MMP26: variants seen among roughly 807,000 people sequenced by gnomAD.
The protein encoded by MMP26 is matrix metallopeptidase 26, also known as matrix metalloproteinase-26.
A neutral mutation model predicts 31.0 loss-of-function variants in MMP26; 33 were observed. The observed-to-expected ratio is 1.06, with a 90% CI of 0.81 to 1.42. The LOEUF (loss-of-function observed/expected upper bound fraction) is 1.42, where lower values mean the gene tolerates loss of function less well. Among genes scored for constraint, MMP26 ranks in the 40% most tolerant of loss-of-function variants. MMP26 has a pLI of 0.00. For missense variants in MMP26, 347 were observed against 316.1 expected (o/e 1.10, Z -0.74); for synonymous variants, 122 against 114.9 (o/e 1.06, Z -0.40).
chr11:4,768,565 C>T (rs1461460340), intron 2 of MMP26, among the ~76,000 whole-genome samples: 2 of 152,186 alleles, frequency 1.3e-5, no homozygotes, highest in African/African-American at 2.4e-5. Flanking sequence ...AACTGTGCCT[C>T]ATGTTATTCA....
In MMP26 at chr11:4,721,040, C is replaced by T. The variant is rs533564917; in HGVS notation, c.-217+15995C>T. On this transcript the variant is annotated intron_variant, in intron 1 of 7. Coordinates refer to ENST00000380390, the MANE Select transcript of MMP26 (RefSeq NM_021801.5). ...AAGCAAACATGATAGACATATTTGT[C>T]CCTACAGCAGCTTCCGGTGTCCTAG... is the stretch of plus-strand genomic sequence containing the variant. Among the ~76,000 whole-genome samples, 187 of 152,280 alleles carry T rather than the reference C, an allele frequency of 1.2e-3. 1 individual carries two copies. The highest frequency in any genetic ancestry group is 4.1e-3 in the African/African-American group (172 of 41,578).
chr11:4,837,909 TAAAGTAAAATTAA>T (rs1849740371), intron 2 of MMP26, among the ~76,000 whole-genome samples: 2 of 151,962 alleles, frequency 1.3e-5, no homozygotes, highest in African/African-American at 2.4e-5. Context: ...TAATTTTACA[TAAAGTAAAATTAA>T]TTAAAATGTT....
At chr11:4,866,206 A>G (rs189713484) in intron 2 of MMP26, among the ~76,000 whole-genome samples, 13 of 152,312 alleles carry the variant, frequency 8.5e-5, no homozygotes, top group African/African-American at 2.9e-4. Context: ...TTAGTGTAAG[A>G]ATGTGAAATA....
At chr11:4,907,922 A>G (rs748878644) in intron 2 of MMP26, 15 of 1,614,166 alleles carry the variant, frequency 9.3e-6, no homozygotes, top group Middle Eastern at 1.6e-4. Context: ...TCAGGATACC[A>G]TGAAGCTGGC....
At chr11:4,712,517 A>C (rs1293074693) in intron 1 of MMP26, 2 of 152,182 alleles carry the variant, frequency 1.3e-5, no homozygotes, top group African/African-American at 4.8e-5. Context: ...TAAGCAATGA[A>C]AGCATAAACA....
At chr11:4,746,653 G>T (rs112952295) in intron 1 of MMP26, among the ~76,000 whole-genome samples, 6,747 of 152,140 alleles carry the variant, frequency 0.044, 475 homozygotes, top group African/African-American at 0.16. Flanking sequence ...GGCCAACAAG[G>T]TGAAACCCCG....
At chr11:4,810,758 C>T (rs1329738995) in intron 2 of MMP26, among the ~76,000 whole-genome samples, 1 of 152,184 alleles carries the variant, frequency 6.6e-6, no homozygotes, top group Non-Finnish European at 1.5e-5. Flanking sequence ...CCGGAAGGCC[C>T]TCTTCACTCA....
chr11:4,743,936 G>A (rs994042464), intron 1 of MMP26, among the ~76,000 whole-genome samples: 1 of 151,976 alleles, frequency 6.6e-6, no homozygotes, highest in Non-Finnish European at 1.5e-5. Flanking sequence ...CTCCTGAGCA[G>A]GTAGGATCAC....
At chr11:4,799,405 C>G (rs973796257) in intron 2 of MMP26, among the ~76,000 whole-genome samples, 5 of 151,948 alleles carry the variant, frequency 3.3e-5, no homozygotes, top group African/African-American at 1.2e-4. Flanking sequence ...AAGAAGCTCT[C>G]ACATGAACTA....
chr11:4,739,876 G>A (rs960825430), intron 1 of MMP26, among the ~76,000 whole-genome samples: 1 of 152,086 alleles, frequency 6.6e-6, no homozygotes, highest in Admixed American at 6.6e-5. Flanking sequence ...ATAGTAAGAA[G>A]GGTTGACTTA....
intron 2 of MMP26, among the ~76,000 whole-genome samples, chr11:4,929,918 T>A (rs1403187140): frequency 2.0e-5 from 3 of 152,098 alleles, no homozygotes; most frequent in South Asian, 2.1e-4. Context: ...ATAGTATGAA[T>A]GCATATTTTG....
chr11:4,829,937 T>C (rs1326711035), intron 2 of MMP26, among the ~76,000 whole-genome samples: 1 of 152,192 alleles, frequency 6.6e-6, no homozygotes, highest in Non-Finnish European at 1.5e-5. Flanking sequence ...CCTGCACCTG[T>C]GTGGGAACAG....
chr11:4,921,698 T>C (rs1175295166), intron 2 of MMP26, among the ~76,000 whole-genome samples: 1 of 152,264 alleles, frequency 6.6e-6, no homozygotes, highest in Non-Finnish European at 1.5e-5. Context: ...TGTACCTTTG[T>C]ATGTATTCAT....
intron 1 of MMP26, chr11:4,709,777 T>G (rs1378352889): frequency 6.5e-6 from 3 of 458,696 alleles, no homozygotes; most frequent in South Asian, 3.1e-5. Context: ...ATGCTATCCT[T>G]CATGGACCTA....
At chr11:4,886,355 G>A (rs180982414) in intron 2 of MMP26, among the ~76,000 whole-genome samples, 12 of 152,080 alleles carry the variant, frequency 7.9e-5, no homozygotes, top group Middle Eastern at 3.4e-3. Context: ...ATTAAACTTC[G>A]TAAGTCTTTA....
rs575624091 is a variant in MMP26 at position 4,770,672 on chromosome 11, G to A, written c.-145+3331G>A. ...ATCCTGGCCAACATGGTGAAACCCC[G>A]TCTCTACTAAAAATACAAAAATTAG... On this transcript the variant is annotated intron_variant, in intron 2 of 7. Coordinates refer to ENST00000380390, the MANE Select transcript of MMP26 (RefSeq NM_021801.5). Among the ~76,000 whole-genome samples, 12 of 152,052 alleles carry A rather than the reference G, an allele frequency of 7.9e-5. No individual in the cohort carries two copies. In the South Asian group the frequency reaches 1.9e-3, roughly 24 times the overall value.
At chr11:4,827,486 C>G (rs1399934665) in intron 2 of MMP26, among the ~76,000 whole-genome samples, 2 of 151,990 alleles carry the variant, frequency 1.3e-5, no homozygotes, top group African/African-American at 4.8e-5. Flanking sequence ...ATGGGGATAG[C>G]TCCAGGGCAA....
chr11:4,808,968 T>C (rs1849314439), intron 2 of MMP26, among the ~76,000 whole-genome samples: 1 of 151,520 alleles, frequency 6.6e-6, no homozygotes, highest in African/African-American at 2.4e-5. Flanking sequence ...GACTTAATGC[T>C]TCAAGGCATG....
intron 2 of MMP26, among the ~76,000 whole-genome samples, chr11:4,921,442 A>C (rs2133580963): frequency 6.6e-6 from 1 of 152,370 alleles, no homozygotes; most frequent in South Asian, 2.1e-4. Flanking sequence ...TCCGTGAGGG[A>C]TTCAAGTCAT....
Sources: gnomAD v4.1 joint callset for allele counts (sites outside exome capture counted in the v4.1 genomes callset) on GRCh38, gnomAD v4.1.1 for gene constraint, MANE v1.5 for transcripts, NCBI Gene and HGNC (gene_info 2026-07-23, HGNC 2026-07-21) for gene names.